Variants in IGF2BP2 observed in about 807,000 individuals in gnomAD.
The protein encoded by IGF2BP2 is insulin like growth factor 2 mRNA binding protein 2.
Under a neutral mutation model 75.8 loss-of-function variants are expected in IGF2BP2, and 17 were observed. That is an observed-to-expected ratio of 0.22 (90% CI 0.15 to 0.34). The LOEUF (loss-of-function observed/expected upper bound fraction) is 0.34, where lower values mean the gene tolerates loss of function less well. Among genes scored for constraint, IGF2BP2 ranks in the 10% least tolerant of loss-of-function variants. IGF2BP2 has a pLI of 1.00. For synonymous variants in IGF2BP2, 288 were observed against 295.6 expected (o/e 0.97, Z 0.26); for missense variants, 516 against 772.4 (o/e 0.67, Z 3.93).
At chr3:185,771,883 G>A (rs1034613472) in intron 2 of IGF2BP2, among the ~76,000 whole-genome samples, 16 of 152,036 alleles carry the variant, frequency 1.1e-4, no homozygotes, top group East Asian at 9.6e-4. Context: ...CAGCTCACAC[G>A]GCCTCTTTGT....
intron 2 of IGF2BP2, among the ~76,000 whole-genome samples, chr3:185,721,062 T>C (rs1029087404): frequency 2.6e-5 from 4 of 152,174 alleles, no homozygotes; most frequent in Non-Finnish European, 5.9e-5. Flanking sequence ...TGCCACCTCC[T>C]GTGTACTGTC....
At chr3:185,780,672 A>G (rs1735095157) in intron 2 of IGF2BP2, among the ~76,000 whole-genome samples, 1 of 152,218 alleles carries the variant, frequency 6.6e-6, no homozygotes, top group South Asian at 2.1e-4. Flanking sequence ...CATGTTATAT[A>G]CGTGATTCCT....
Position 185,656,457 on chromosome 3 carries a change from C to T in IGF2BP2, c.1386+829G>A, listed in dbSNP as rs116208322. On this transcript the variant is annotated intron_variant, in intron 12 of 15. Coordinates refer to ENST00000382199, the MANE Select transcript of IGF2BP2 (RefSeq NM_006548.6). ...TAGCACACTTGCTGTGGGAGAAATT[C>T]CAGCTCTTCCTGGGGAGAAAGTGTA... 2.3e-3 allele frequency among the ~76,000 whole-genome samples: 357 copies of T among 152,352 alleles called. 3 individuals carry two copies. Among genetic ancestry groups the T allele is most frequent in the African/African-American group, 8.3e-3 (346 of 41,590 alleles).
intron 7 of IGF2BP2, among the ~76,000 whole-genome samples, chr3:185,682,726 C>T (rs1464481145): frequency 6.6e-6 from 1 of 152,066 alleles, no homozygotes; most frequent in Non-Finnish European, 1.5e-5. Flanking sequence ...AAATACAAAT[C>T]AAGACCACAA....
At chr3:185,687,594 A>G (rs1460216368) in intron 6 of IGF2BP2, among the ~76,000 whole-genome samples, 1 of 152,238 alleles carries the variant, frequency 6.6e-6, no homozygotes, top group East Asian at 1.9e-4. Context: ...TTTAAAAGCC[A>G]TATGTTAATC....
At chr3:185,677,064 T>TAGAG (rs1227931431) in intron 7 of IGF2BP2, among the ~76,000 whole-genome samples, 4 of 45,786 alleles carry the variant, frequency 8.7e-5, no homozygotes, top group Non-Finnish European at 1.2e-4. Flanking sequence ...TATATATATA[T>TAGAG]ATATAGAGAG....
intron 2 of IGF2BP2, among the ~76,000 whole-genome samples, chr3:185,725,474 G>A (rs1034931430): frequency 2.6e-5 from 4 of 152,104 alleles, no homozygotes; most frequent in African/African-American, 4.8e-5. Context: ...GATGTGGGGG[G>A]TCGACAAAAA....
chr3:185,756,063 C>A (rs551038318), intron 2 of IGF2BP2, among the ~76,000 whole-genome samples: 32 of 152,250 alleles, frequency 2.1e-4, no homozygotes, highest in African/African-American at 7.5e-4. Flanking sequence ...GGAAATGGAA[C>A]CTGGTAGGAA....
intron 2 of IGF2BP2, among the ~76,000 whole-genome samples, chr3:185,704,148 G>C (rs1438587075): frequency 6.6e-6 from 1 of 152,162 alleles, no homozygotes; most frequent in Non-Finnish European, 1.5e-5. Context: ...TCCATCAGAT[G>C]ATAAAAGGGA....
Position 185,796,927 on chromosome 3 carries a change from C to T in IGF2BP2, c.239+26226G>A, listed in dbSNP as rs375030184. Among the ~76,000 whole-genome samples, 138 of 152,310 alleles carry T rather than the reference C, an allele frequency of 9.1e-4. 1 individual carries two copies. Among genetic ancestry groups the T allele is most frequent in the African/African-American group, 2.7e-3 (114 of 41,574 alleles). ...GTTGTCATCAAGATTCCTGACAATG[C>T]ATTCTGAGTCAAAATGCACATCAGA... On this transcript the variant is annotated intron_variant, in intron 2 of 15. Transcript: ENST00000382199.
chr3:185,707,730 A>C (rs1163228959), intron 2 of IGF2BP2, among the ~76,000 whole-genome samples: 1 of 152,144 alleles, frequency 6.6e-6, no homozygotes, highest in African/African-American at 2.4e-5. Context: ...CTCTTTCGGA[A>C]ATCAAACAAA....
chr3:185,724,878 A>C (rs1365095710), intron 2 of IGF2BP2: 1 of 152,194 alleles, frequency 6.6e-6, no homozygotes, highest in African/African-American at 2.4e-5. Context: ...CATGCTTCTG[A>C]ACATGGTGAC....
At chr3:185,679,537 C>A (rs919041143) in intron 7 of IGF2BP2, among the ~76,000 whole-genome samples, 1 of 152,092 alleles carries the variant, frequency 6.6e-6, no homozygotes, top group African/African-American at 2.4e-5. Flanking sequence ...TTACCCTTAC[C>A]AGATAACTAT....
chr3:185,777,902 G>A (rs778958873), intron 2 of IGF2BP2, among the ~76,000 whole-genome samples: 29 of 152,018 alleles, frequency 1.9e-4, no homozygotes, highest in Non-Finnish European at 3.1e-4. Flanking sequence ...AAATTAGCCC[G>A]GCACAGTGAT....
chr3:185,714,764 G>A (rs59959095), intron 2 of IGF2BP2, among the ~76,000 whole-genome samples: 348 of 152,252 alleles, frequency 2.3e-3, no homozygotes, highest in African/African-American at 8.0e-3. Flanking sequence ...CCTAGGCAAC[G>A]TAGCAAGACT....
chr3:185,766,518 AG>A (rs1733089699), intron 2 of IGF2BP2, among the ~76,000 whole-genome samples: 8 of 152,298 alleles, frequency 5.3e-5, no homozygotes, highest in Admixed American at 4.6e-4. Flanking sequence ...CCATAAATAA[AG>A]TTTTATTGGA....
intron 1 of IGF2BP2, among the ~76,000 whole-genome samples, chr3:185,824,539 G>T (rs1425933798): frequency 6.7e-6 from 1 of 148,442 alleles, no homozygotes; most frequent in Non-Finnish European, 1.5e-5. Flanking sequence ...CTTCGGAGCG[G>T]CACGGGGGGC....
chr3:185,668,512 T>C (rs868223725), intron 10 of IGF2BP2, among the ~76,000 whole-genome samples: 2 of 144,468 alleles, frequency 1.4e-5, no homozygotes, highest in Admixed American at 6.9e-5. Flanking sequence ...GAGAGAGATA[T>C]ATATATATAT....
At chr3:185,750,462 G>C (rs982664395) in intron 2 of IGF2BP2, among the ~76,000 whole-genome samples, 5 of 152,156 alleles carry the variant, frequency 3.3e-5, no homozygotes, top group Non-Finnish European at 7.4e-5. Flanking sequence ...ACAAATTCTA[G>C]AGTAAGACAC....
Sources: allele counts gnomAD v4.1 joint callset (sites outside exome capture counted in the v4.1 genomes callset), GRCh38; gene constraint gnomAD v4.1.1; transcripts MANE v1.5; gene names NCBI Gene and HGNC (gene_info 2026-07-23, HGNC 2026-07-21).